Variants in SV2A observed in about 807,000 individuals in gnomAD.
SV2A encodes synaptic vesicle glycoprotein 2A.
Under a neutral mutation model 78.0 loss-of-function variants are expected in SV2A, and 25 were observed. The ratio of observed to expected loss-of-function variants is 0.32; its 90% CI spans 0.23 to 0.45. SV2A has a LOEUF of 0.45. SV2A is among the 20% of genes least tolerant of loss of function. SV2A has a pLI of 1.00. For synonymous variants in SV2A, 355 were observed against 384.7 expected (o/e 0.92, Z 0.90); for missense variants, 752 against 971.5 (o/e 0.77, Z 3.00).
In SV2A at chr1:149,905,066, C is replaced by A; in HGVS notation, c.2177G>T (p.Gly726Val). The change falls in exon 13 of 13, where the codon GGC (glycine) becomes GTC (valine). Residue 726 changes from glycine to valine, a missense_variant. Around this residue, in one of 7 missense-constraint regions of SV2A, gnomAD observed 186 missense variants for 274.6 expected, o/e 0.68. Coordinates refer to ENST00000369146, the MANE Select transcript of SV2A (RefSeq NM_014849.5). ...ILFASAALAL[G>V]SSLALKLPET... is the part of the protein sequence containing the mutation. Reference sequence around the variant, plus strand: ...AGGCAGCTTCAGGGCCAGAGAGCTGCCAAGGGCAAGGGCAGCTGAGGCAAA... The same window carrying A: ...AGGCAGCTTCAGGGCCAGAGAGCTGACAAGGGCAAGGGCAGCTGAGGCAAA... 1 of 1,613,322 alleles carries A rather than the reference C, an allele frequency of 6.2e-7. No individual in the cohort carries two copies. Among genetic ancestry groups the A allele is most frequent in the Non-Finnish European group, 8.5e-7 (1 of 1,179,734 alleles).
chr1:149,913,552 C>T lies in SV2A; in HGVS notation c.289G>A (p.Glu97Lys). The change falls in exon 2 of 13, where the codon GAA (glutamate) becomes AAA (lysine). Residue 97 changes from glutamate (E) to lysine (K), a missense_variant. Around this residue, in one of 7 missense-constraint regions of SV2A, gnomAD observed 291 missense variants for 359.5 expected, o/e 0.81. Coordinates refer to ENST00000369146, the MANE Select transcript of SV2A (RefSeq NM_014849.5). Reference protein sequence around the residue: ...HDEDDEIYEGEYQGIPRAESG... With the variant: ...HDEDDEIYEGKYQGIPRAESG... ...TCTGCCCGGGGAATGCCCTGATATT[C>T]CCCTTCATAGATCTCATCATCCTCG... is the stretch of plus-strand genomic sequence containing the variant. 6.2e-7 allele frequency: 1 copy of T among 1,613,914 alleles called. No homozygotes were observed. The highest frequency in any genetic ancestry group is 8.5e-7 in the Non-Finnish European group (1 of 1,179,988).
At chr1:149,914,466 T>C (rs2101626872) in intron 1 of SV2A, among the ~76,000 whole-genome samples, 1 of 152,310 alleles carries the variant, frequency 6.6e-6, no homozygotes, top group East Asian at 1.9e-4. Flanking sequence ...GCCCTTGCTT[T>C]ATCACCAATC....
At chr1:149,912,293 A>G (rs930799987) in intron 2 of SV2A, among the ~76,000 whole-genome samples, 1 of 152,044 alleles carries the variant, frequency 6.6e-6, no homozygotes, top group Non-Finnish European at 1.5e-5. Context: ...TGAAGGAGGA[A>G]TGGGTGTGCC....
In SV2A at chr1:149,906,154, G is replaced by A. The variant is rs921083137; in HGVS notation, c.1886-115C>T. The A allele has an allele frequency of 7.9e-5, 100 of 1,273,824 alleles. No homozygotes were observed. The Admixed American group carries it at 2.4e-3, about 30-fold the overall frequency. The allele number at this position is 1,273,824 out of a possible 1,614,324, so 78.9% of individuals were successfully genotyped here. On this transcript the variant is annotated intron_variant, in intron 11 of 12. Coordinates refer to ENST00000369146, the MANE Select transcript of SV2A (RefSeq NM_014849.5). ...AGCCCAGGATGAGACTTGTTCCGAA[G>A]GTATCCAACCAAGGTATCCAAAAGG...
At chr1:149,913,080 G>A (rs1324945932) in intron 2 of SV2A, 139 bp downstream of exon 2, 7 of 1,093,752 alleles carry the variant, frequency 6.4e-6, no homozygotes, top group African/African-American at 1.6e-5. Flanking sequence ...GGAAGAGTGT[G>A]CAGAGGAACC....
rs2092451427 is a variant in SV2A, at chr1:149,908,178, C to T, written c.1408G>A (p.Asp470Asn). ...SYYGLTVWFP[D>N]MIRHLQAVDY... Reference sequence around the variant, plus strand: ...ACTGCCTGGAGATGGCGGATCATGTCAGGAAACCAGACGGTCAGGCCATAG... The same window carrying T: ...ACTGCCTGGAGATGGCGGATCATGTTAGGAAACCAGACGGTCAGGCCATAG... The change falls in exon 9 of 13, where the codon GAC becomes AAC. Residue 470 changes from aspartate to asparagine, a missense_variant. By Grantham distance (23) the Asp-to-Asn change is conservative (BLOSUM62 1). Coordinates refer to ENST00000369146, the MANE Select transcript of SV2A (RefSeq NM_014849.5). The T allele has an allele frequency of 6.2e-7, 1 of 1,613,990 alleles. No homozygotes were observed. Among genetic ancestry groups the T allele is most frequent in the Admixed American group, 1.7e-5 (1 of 60,002 alleles).
chr1:149,906,545 ACT>A (rs2092439332), intron 11 of SV2A, 103 bp downstream of exon 11: 5 of 1,212,538 alleles, frequency 4.1e-6, no homozygotes, highest in Admixed American at 2.1e-5. Flanking sequence ...TGAGAGAGGA[ACT>A]CTCTGACCAA....
rs976191774 is a variant in SV2A at position 149,915,915 on chromosome 1, A to G, written c.-347-1728T>C. 1.8e-3 allele frequency among the ~76,000 whole-genome samples: 265 copies of G among 145,908 alleles called. 2 individuals carry two copies. The highest frequency in any genetic ancestry group is 2.7e-3 in the Non-Finnish European group (182 of 67,462). On this transcript the variant is annotated intron_variant, in intron 1 of 12. Coordinates refer to ENST00000369146, the MANE Select transcript of SV2A (RefSeq NM_014849.5). ...AACACACACACACACACACACACGC[A>G]CACACACACACACGCCCTGGTAGAA...
At chr1:149,905,376 A>T in intron 12 of SV2A, 179 bp from the exon 13 acceptor site, 1 of 565,852 alleles carries the variant, frequency 1.8e-6, no homozygotes, top group Non-Finnish European at 3.0e-6. Context: ...ATTGAGAGAC[A>T]AAGGGAAAGG....
chr1:149,911,918 G>T lies in SV2A; in HGVS notation c.685C>A (p.Leu229Met), dbSNP rs1553763856. 1.2e-6 allele frequency: 2 copies of T among 1,614,058 alleles called. No homozygotes were observed. Among genetic ancestry groups the T allele is most frequent in the African/African-American group, 1.3e-5 (1 of 74,906 alleles). The change falls in exon 3 of 13, where the codon CTG becomes ATG. Residue 229 changes from leucine (L) to methionine (M), a missense_variant. By Grantham distance (15) the Leu-to-Met change is conservative. Coordinates refer to ENST00000369146, the MANE Select transcript of SV2A (RefSeq NM_014849.5). Reference sequence around the variant, plus strand: ...ATGAGCAGACACTGCCTCCGACCCAGCCGGTCAGCCAGACCTCCCCAGAGG... The same window carrying T: ...ATGAGCAGACACTGCCTCCGACCCATCCGGTCAGCCAGACCTCCCCAGAGG... Reference protein sequence around the residue: ...AFLWGGLADRLGRRQCLLISL... With the variant: ...AFLWGGLADRMGRRQCLLISL...
rs1646190130 is a variant in SV2A, at chr1:149,910,745, G to T, written c.956-42C>A. ...GACAGCATCAGCAGAGAGGCCAGAG[G>T]CTGGGGGAACCCACCACAGGGAGCA... On this transcript the variant is annotated intron_variant, in intron 4 of 12. Transcript: ENST00000369146. The surrounding 1 kb of genome is among the most constrained non-coding windows in gnomAD (Gnocchi z 4.2). 1 of 1,612,750 alleles carries T rather than the reference G, an allele frequency of 6.2e-7. No individual in the cohort carries two copies. The highest frequency in any genetic ancestry group is 1.3e-5 in the African/African-American group (1 of 74,872).
At chr1:149,905,232 G>A (rs1553762550) in intron 12 of SV2A, 35 bp from the exon 13 acceptor site, 1 of 1,565,548 alleles carries the variant, frequency 6.4e-7, no homozygotes, top group East Asian at 2.3e-5. Flanking sequence ...CACGGCGCAA[G>A]GTACAGGAGG....
chr1:149,917,283 G>GCCCCC (rs587740146), intron 1 of SV2A, among the ~76,000 whole-genome samples: 24 of 149,852 alleles, frequency 1.6e-4, no homozygotes, highest in African/African-American at 5.0e-4. Context: ...TTCTTCCCCT[G>GCCCCC]CCCCCCACCC....
At chr1:149,909,609 G>A in intron 6 of SV2A, 38 bp from the exon 7 acceptor site, 1 of 1,586,668 alleles carries the variant, frequency 6.3e-7, no homozygotes, top group Non-Finnish European at 8.7e-7. Context: ...CACACACTCT[G>A]TGTTTCCCAA....
chr1:149,907,993 C>A (rs6696662), intron 9 of SV2A, 49 bp downstream of exon 9: 1 of 1,596,840 alleles, frequency 6.3e-7, no homozygotes, highest in Non-Finnish European at 8.6e-7. Context: ...ATAAAAGAGA[C>A]GAGGTAGAAG....
In SV2A at chr1:149,904,646, A is replaced by C; in HGVS notation, c.*368T>G. On this transcript the variant is annotated 3_prime_UTR_variant, in exon 13 of 13. Coordinates refer to ENST00000369146, the MANE Select transcript of SV2A (RefSeq NM_014849.5). ...ATAATTGCATACCTGTGGTTTCACC[A>C]GGGCCTAGGCAGAGGGAATGATGGG... 5.1e-6 allele frequency: 1 copy of C among 194,974 alleles called. No homozygotes were observed. Among genetic ancestry groups the C allele is most frequent in the Non-Finnish European group, 1.1e-5 (1 of 95,112 alleles). 12.1% of individuals were successfully genotyped at this position (194,974 alleles called of 1,614,324 possible). A position where few individuals can be genotyped will look rare whatever the true frequency, so the allele number is the denominator to read the frequency against.
rs2092466689 is a variant in SV2A at position 149,910,172 on chromosome 1, A to G, written c.1090-282T>C. On this transcript the variant is annotated intron_variant, in intron 5 of 12. Transcript: ENST00000369146. This position sits in a 1 kb window ranked among gnomAD's most constrained non-coding sequence, Gnocchi z 4.2. Reference sequence around the variant, plus strand: ...CAAGCACAGGTCTTGGGAATTCCATAGTACAGAGGAATGTAAAAACCAAAG... The same window carrying G: ...CAAGCACAGGTCTTGGGAATTCCATGGTACAGAGGAATGTAAAAACCAAAG... 6.6e-6 allele frequency among the ~76,000 whole-genome samples: 1 copy of G among 152,296 alleles called. No homozygotes were observed. Among genetic ancestry groups the G allele is most frequent in the South Asian group, 2.1e-4 (1 of 4,816 alleles).
Position 149,907,746 on chromosome 1 carries a change from C to T in SV2A, c.1632G>A (p.Thr544=), listed in dbSNP as rs782266340. The change falls in exon 10 of 13, where the codon ACG becomes ACA. Residue 544 remains threonine, a synonymous_variant. Coordinates refer to ENST00000369146, the MANE Select transcript of SV2A (RefSeq NM_014849.5). ...CYFEDVTSSN[T]FFRNCTFINT... The stretch of plus-strand genomic sequence containing the variant: ...TGATGAATGTGCAGTTGCGGAAAAA[C>T]GTGTTGCTGGATGTGACATCCTCAA... The T allele has an allele frequency of 5.6e-6, 9 of 1,614,054 alleles. No individual in the cohort carries two copies. Among genetic ancestry groups the T allele is most frequent in the South Asian group, 3.3e-5 (3 of 91,076 alleles).
rs2092412344 is a variant in SV2A, at chr1:149,903,382, A to G, written c.*1632T>C. On this transcript the variant is annotated 3_prime_UTR_variant, in exon 13 of 13. Transcript: ENST00000369146. Reference sequence around the variant, plus strand: ...CAATATTTTTCACTGCATTTTTCACATCAACAGAGTTGGGTTTAGGGTTCC... The same window carrying G: ...CAATATTTTTCACTGCATTTTTCACGTCAACAGAGTTGGGTTTAGGGTTCC... 6.6e-6 allele frequency: 1 copy of G among 152,250 alleles called. No individual in the cohort carries two copies. Among genetic ancestry groups the G allele is most frequent in the African/African-American group, 2.4e-5 (1 of 41,436 alleles). 9.4% of individuals were successfully genotyped at this position (152,250 alleles called of 1,614,324 possible). A position where few individuals can be genotyped will look rare whatever the true frequency, so the allele number is the denominator to read the frequency against.
Sources: gnomAD v4.1 joint callset for allele counts (sites outside exome capture counted in the v4.1 genomes callset) on GRCh38, gnomAD v4.1.1 for gene constraint, gnomAD v4.1.1 regional missense constraint, Gnocchi (gnomAD v3.1) non-coding constraint, MANE v1.5 for transcripts, NCBI Gene and HGNC (gene_info 2026-07-23, HGNC 2026-07-21) for gene names.